The following C12orf71 variants were observed in gnomAD, a reference collection of about 807,000 sequenced individuals.
C12orf71 encodes uncharacterized protein C12orf71.
A neutral mutation model predicts 11.7 loss-of-function variants in C12orf71; 10 were observed. The observed-to-expected ratio is 0.86, with a 90% CI of 0.53 to 1.45. The LOEUF (loss-of-function observed/expected upper bound fraction) is 1.45. C12orf71 is among the 40% of genes most tolerant of loss of function. C12orf71 has a pLI of 0.00. For synonymous variants in C12orf71, 110 were observed against 123.4 expected (o/e 0.89, Z 0.72); for missense variants, 293 against 325.8 (o/e 0.90, Z 0.78).
At chr12:27,083,747 G>T (rs983729162), upstream of C12orf71, among the ~76,000 whole-genome samples, 26 of 152,116 alleles carry the variant, frequency 1.7e-4, no homozygotes, top group African/African-American at 6.3e-4. Flanking sequence ...CTTTGACTAT[G>T]TCTCTTATTT....
Position 27,081,483 on chromosome 12 carries a change from A to C in C12orf71, c.517-16T>G, listed in dbSNP as rs760038057. ...GGCTTATCATCTGCCATGAAAATGA[A>C]GGATGTGTTAGGTAGGAATAACCAT... On this transcript the variant is annotated splice_polypyrimidine_tract_variant and intron_variant, in intron 1 of 1. Coordinates refer to ENST00000429849, the MANE Select transcript of C12orf71 (RefSeq NM_001080406.2). 2.5e-5 allele frequency: 40 copies of C among 1,599,186 alleles called. No individual in the cohort carries two copies. The highest frequency in any genetic ancestry group is 3.2e-5 in the Non-Finnish European group (38 of 1,170,304).
In C12orf71 at chr12:27,081,952, A is replaced by T; in HGVS notation, c.516+16T>A. Reference sequence around the variant, plus strand: ...TTGGGCAGGTCTTGACAAGCATCATATTCCTGATGACTGACCTGAACCATT... The same window carrying T: ...TTGGGCAGGTCTTGACAAGCATCATTTTCCTGATGACTGACCTGAACCATT... On this transcript the variant is annotated intron_variant, in intron 1 of 1. Transcript: ENST00000429849. 1 of 1,570,122 alleles carries T rather than the reference A, an allele frequency of 6.4e-7. No homozygotes were observed.
chr12:27,082,702 C>T (rs1162994990), upstream of C12orf71, among the ~76,000 whole-genome samples: 4 of 151,410 alleles, frequency 2.6e-5, no homozygotes, highest in Non-Finnish European at 4.4e-5. Flanking sequence ...CTCAGCCTCC[C>T]GAGTAGCTGG....
At chr12:27,083,857 C>T (rs945563316), upstream of C12orf71, among the ~76,000 whole-genome samples, 2 of 152,172 alleles carry the variant, frequency 1.3e-5, no homozygotes, top group Non-Finnish European at 2.9e-5. Context: ...TATTTAGATG[C>T]CCATCCTCCC....
upstream of C12orf71, among the ~76,000 whole-genome samples, chr12:27,084,050 G>A (rs60951001): frequency 3.2e-3 from 494 of 152,200 alleles, 2 homozygotes; most frequent in African/African-American, 0.012. Flanking sequence ...GCTAACTCCT[G>A]AGGCAAAAAA....
rs1323888530 is a variant in C12orf71, at chr12:27,081,346, A to G, written c.638T>C (p.Phe213Ser). The G allele has an allele frequency of 2.5e-6, 4 of 1,613,926 alleles. No individual in the cohort carries two copies. Among genetic ancestry groups the G allele is most frequent in the Non-Finnish European group, 3.4e-6 (4 of 1,179,860 alleles). The change falls in exon 2 of 2, where the codon TTT becomes TCT. Residue 213 changes from phenylalanine (F) to serine (S), a missense_variant. Coordinates refer to ENST00000429849, the MANE Select transcript of C12orf71 (RefSeq NM_001080406.2). The part of the protein sequence containing the change: ...SHTQAQCCLN[F>S]GWAFSWLRQR... ...CCTCAGCCAGCTGAAGGCCCACCCA[A>G]AGTTCAGGCAGCACTGGGCCTGTGT...
In C12orf71 at chr12:27,081,258, A is replaced by T. The variant is rs200449770; in HGVS notation, c.726T>A (p.His242Gln). The T allele has an allele frequency of 8.2e-5, 132 of 1,613,902 alleles. No individual in the cohort carries two copies. The highest frequency in any genetic ancestry group is 1.1e-4 in the Non-Finnish European group (125 of 1,179,858). The stretch of plus-strand genomic sequence containing the variant: ...AGAGTCTTTTCGTTGGTGCTGACCG[A>T]TGGGGACTTTTGGTGGCATTCACAG... ...DHPVNATKSP[H>Q]RSAPTKRLFH... The change falls in exon 2 of 2, where the codon CAT becomes CAA. Residue 242 changes from histidine to glutamine, a missense_variant. Coordinates refer to ENST00000429849, the MANE Select transcript of C12orf71 (RefSeq NM_001080406.2).
In C12orf71 at chr12:27,082,122, T is replaced by G. The variant is rs1941940643; in HGVS notation, c.362A>C (p.Lys121Thr). 1 of 1,613,206 alleles carries G rather than the reference T, an allele frequency of 6.2e-7. No homozygotes were observed. The part of the protein sequence containing the change: ...GDNLWIDKLP[K>T]ERTKLSVGKL... ...GCCAACAGACAGTTTTGTTCTCTCT[T>G]TTGGTAACTTGTCTATCCACAGGTT... Residue 121 changes from lysine to threonine, a missense_variant, in exon 1 of 2, where the codon AAA becomes ACA. By Grantham distance (78) the Lys-to-Thr change is moderately conservative. Transcript: ENST00000429849.
In C12orf71 at chr12:27,082,090, T is replaced by G; in HGVS notation, c.394A>C (p.Asn132His). Residue 132 changes from asparagine (N) to histidine (H), a missense_variant, in exon 1 of 2, where the codon AAT (asparagine) becomes CAT (histidine). Transcript: ENST00000429849. Reference protein sequence around the residue: ...ERTKLSVGKLNNLVQEFQIFL... With the variant: ...ERTKLSVGKLHNLVQEFQIFL... ...ATCTGAAACTCTTGCACAAGATTAT[T>G]CAGTTTGCCAACAGACAGTTTTGTT... 6.2e-7 allele frequency: 1 copy of G among 1,611,422 alleles called. No homozygotes were observed. Among genetic ancestry groups the G allele is most frequent in the Non-Finnish European group, 8.5e-7 (1 of 1,178,536 alleles).
At position 27,082,002 on chromosome 12, in the gene C12orf71, T is replaced by G. The variant is rs1448817484; in HGVS notation, c.482A>C (p.Gln161Pro). ...TTCCGGAGGGGAGCCGCTGGATAGC[T>G]GGAAATCTTGCTGAGCAGTTTCAGG... ...VFPETAQQDF[Q>P]LSSGSPPEMV... The change falls in exon 1 of 2, where the codon CAG becomes CCG. Residue 161 changes from glutamine (Q) to proline (P), a missense_variant. By Grantham distance (76) the Gln-to-Pro change is moderately conservative. Coordinates refer to ENST00000429849, the MANE Select transcript of C12orf71 (RefSeq NM_001080406.2). The G allele has an allele frequency of 3.1e-6, 5 of 1,587,352 alleles. No homozygotes were observed. Among genetic ancestry groups the G allele is most frequent in the Non-Finnish European group, 3.4e-6 (4 of 1,165,258 alleles).
chr12:27,081,064 T>G lies in C12orf71; in HGVS notation c.*110A>C. The G allele has an allele frequency of 3.8e-6, 3 of 799,766 alleles. No individual in the cohort carries two copies. The highest frequency in any genetic ancestry group is 5.9e-6 in the Non-Finnish European group (3 of 507,702). The allele number at this position is 799,766 out of a possible 1,614,324, so 49.5% of individuals were successfully genotyped here. On this transcript the variant is annotated 3_prime_UTR_variant, in exon 2 of 2. Transcript: ENST00000429849. Reference sequence around the variant, plus strand: ...TGTGCTGGGAGAGGAAGATGTGGGGTAACAAGAGCATTTATTTTGTTTATT... The same window carrying G: ...TGTGCTGGGAGAGGAAGATGTGGGGGAACAAGAGCATTTATTTTGTTTATT...
In C12orf71 at chr12:27,081,315, A is replaced by G; in HGVS notation, c.669T>C (p.Arg223=). The G allele has an allele frequency of 6.2e-7, 1 of 1,613,954 alleles. No individual in the cohort carries two copies. The highest frequency in any genetic ancestry group is 1.1e-5 in the South Asian group (1 of 91,078). Residue 223 remains arginine, a synonymous_variant, in exon 2 of 2, where the codon CGT becomes CGC. Transcript: ENST00000429849. ...CCCTCCTCAGCAGAGAGGGGAGGAT[A>G]CGCTGCCTCAGCCAGCTGAAGGCCC... is the stretch of plus-strand genomic sequence containing the variant. The part of the protein sequence containing the change: ...FGWAFSWLRQ[R]ILPSLLRRDH...
chr12:27,081,116 A>G lies in C12orf71; in HGVS notation c.*58T>C. ...AGGAAAAAACAAACTGATGGGGATTATTAATGGAATCCTTATTATGGATTA... is the reference window on the plus strand; with the variant it reads ...AGGAAAAAACAAACTGATGGGGATTGTTAATGGAATCCTTATTATGGATTA... On this transcript the variant is annotated 3_prime_UTR_variant, in exon 2 of 2. Coordinates refer to ENST00000429849, the MANE Select transcript of C12orf71 (RefSeq NM_001080406.2). 7.5e-7 allele frequency: 1 copy of G among 1,328,892 alleles called. No homozygotes were observed. Among genetic ancestry groups the G allele is most frequent in the Non-Finnish European group, 1.0e-6 (1 of 961,296 alleles). 82.3% of individuals were successfully genotyped at this position (1,328,892 alleles called of 1,614,324 possible).
In C12orf71 at chr12:27,082,213, C is replaced by T. The variant is rs746667729; in HGVS notation, c.271G>A (p.Ala91Thr). The change falls in exon 1 of 2, where the codon GCC (alanine) becomes ACC (threonine). Residue 91 changes from alanine to threonine, a missense_variant. Ala to Thr is a moderately conservative substitution (Grantham distance 58). Coordinates refer to ENST00000429849, the MANE Select transcript of C12orf71 (RefSeq NM_001080406.2). ...EQFCKLSIFL[A>T]WDVDIGSDNT... ...TCGGAGCCAATGTCCACGTCCCAGGCCAGGAAGATGCTTAGTTTGCAAAAC... is the reference window on the plus strand; with the variant it reads ...TCGGAGCCAATGTCCACGTCCCAGGTCAGGAAGATGCTTAGTTTGCAAAAC... 1.2e-5 allele frequency: 20 copies of T among 1,613,766 alleles called. No individual in the cohort carries two copies. Among genetic ancestry groups the T allele is most frequent in the Non-Finnish European group, 1.7e-5 (20 of 1,179,840 alleles).
chr12:27,081,125 A>T lies in C12orf71; in HGVS notation c.*49T>A, dbSNP rs528311503. The T allele has an allele frequency of 3.3e-5, 46 of 1,404,070 alleles. No individual in the cohort carries two copies. In the South Asian group the frequency reaches 5.6e-4, roughly 17 times the overall value. 87.0% of individuals were successfully genotyped at this position (1,404,070 alleles called of 1,614,324 possible). ...CAAACTGATGGGGATTATTAATGGA[A>T]TCCTTATTATGGATTATTTTAAACT... On this transcript the variant is annotated 3_prime_UTR_variant, in exon 2 of 2. Transcript: ENST00000429849.
chr12:27,083,524 A>G (rs1209270457), upstream of C12orf71, among the ~76,000 whole-genome samples: 2 of 152,236 alleles, frequency 1.3e-5, no homozygotes, highest in African/African-American at 4.8e-5. Flanking sequence ...TATCTTTTCT[A>G]TTTATATAAA....
chr12:27,083,648 C>T (rs1428305942), upstream of C12orf71, among the ~76,000 whole-genome samples: 1 of 152,166 alleles, frequency 6.6e-6, no homozygotes, highest in African/African-American at 2.4e-5. Flanking sequence ...CCATAGCCTA[C>T]AACAAACATA....
At chr12:27,081,739 A>G in intron 1 of C12orf71, 1 of 709,046 alleles carries the variant, frequency 1.4e-6, no homozygotes, top group Non-Finnish European at 2.5e-6. Context: ...GTTGTCTCCC[A>G]CTGGTATCAC....
At position 27,082,503 on chromosome 12, in the gene C12orf71, T is replaced by C. The variant is rs201570959; in HGVS notation, c.-20A>G. On this transcript the variant is annotated 5_prime_UTR_variant, in exon 1 of 2. Coordinates refer to ENST00000429849, the MANE Select transcript of C12orf71 (RefSeq NM_001080406.2). ...TGCCATGGAGTTCAAAGGCACAAATTTCTCTCAACTTGAGAAGCTTCAAAA... is the reference window on the plus strand; with the variant it reads ...TGCCATGGAGTTCAAAGGCACAAATCTCTCTCAACTTGAGAAGCTTCAAAA... The C allele has an allele frequency of 1.9e-5, 28 of 1,447,914 alleles. No individual in the cohort carries two copies. Among genetic ancestry groups the C allele is most frequent in the Non-Finnish European group, 2.5e-5 (27 of 1,099,556 alleles). 89.7% of individuals were successfully genotyped at this position (1,447,914 alleles called of 1,614,324 possible). A position where few individuals can be genotyped will look rare whatever the true frequency, so the allele number is the denominator to read the frequency against.
Sources: allele counts gnomAD v4.1 joint callset (sites outside exome capture counted in the v4.1 genomes callset), GRCh38; gene constraint gnomAD v4.1.1; transcripts MANE v1.5; gene names NCBI Gene and HGNC (gene_info 2026-07-23, HGNC 2026-07-21).